The following PTPRT variants were observed in gnomAD, a reference collection of about 807,000 sequenced individuals.
PTPRT encodes receptor-type tyrosine-protein phosphatase T.
PTPRT carries 56 observed loss-of-function variants against 176.8 expected under a neutral mutation model. That is an observed-to-expected ratio of 0.32 (90% CI 0.26 to 0.40). PTPRT has a LOEUF of 0.40. Among genes scored for constraint, PTPRT ranks in the 10% least tolerant of loss-of-function variants. PTPRT has a pLI of 1.00. For missense variants in PTPRT, 1,540 were observed against 1,908.2 expected, an observed-to-expected ratio of 0.81 and a Z score of 3.60; for synonymous variants, 783 against 739.0, an observed-to-expected ratio of 1.06 and a Z score of -0.96.
chr20:42,939,641 G>T (rs6030565), intron 1 of PTPRT, among the ~76,000 whole-genome samples: 5 of 152,094 alleles, frequency 3.3e-5, no homozygotes, highest in African/African-American at 1.2e-4. Context: ...TCAAGTTCAG[G>T]TTCTCAGCTA....
intron 7 of PTPRT, among the ~76,000 whole-genome samples, chr20:42,502,231 A>G (rs577575845): frequency 4.3e-4 from 66 of 152,190 alleles, no homozygotes; most frequent in African/African-American, 1.6e-3. Flanking sequence ...AAGAGCACTT[A>G]CAAAGTATAT....
chr20:43,125,654 T>G (rs935321701), intron 1 of PTPRT, among the ~76,000 whole-genome samples: 1 of 152,254 alleles, frequency 6.6e-6, no homozygotes, highest in Non-Finnish European at 1.5e-5. Context: ...TGTGTATTAC[T>G]GTTCATTTGA....
intron 1 of PTPRT, among the ~76,000 whole-genome samples, chr20:42,903,300 C>T (rs1469182387): frequency 6.6e-6 from 1 of 152,174 alleles, no homozygotes; most frequent in Non-Finnish European, 1.5e-5. Flanking sequence ...ATATTCCCTA[C>T]AGTTGTGGAT....
chr20:42,936,574 T>C (rs982582496), intron 1 of PTPRT, among the ~76,000 whole-genome samples: 4 of 152,172 alleles, frequency 2.6e-5, no homozygotes, highest in Admixed American at 2.6e-4. Flanking sequence ...AGTCTCCTCT[T>C]GACTATGGGG....
intron 11 of PTPRT, among the ~76,000 whole-genome samples, chr20:42,344,062 A>G (rs1056606641): frequency 6.6e-6 from 1 of 152,010 alleles, no homozygotes; most frequent in African/African-American, 2.4e-5. Flanking sequence ...ACCACACCCA[A>G]CGCATTTTTG....
chr20:42,618,089 T>G (rs2145846473), intron 7 of PTPRT, among the ~76,000 whole-genome samples: 1 of 136,726 alleles, frequency 7.3e-6, no homozygotes, highest in South Asian at 2.3e-4. Context: ...TGCTAGAAAT[T>G]TCCCTCTACA....
chr20:42,663,713 T>C (rs568201133), intron 7 of PTPRT, among the ~76,000 whole-genome samples: 16 of 152,284 alleles, frequency 1.1e-4, no homozygotes, highest in African/African-American at 3.9e-4. Context: ...AGTAATTACT[T>C]ACACTCGTGG....
At chr20:42,697,196 C>T (rs902249148) in intron 6 of PTPRT, among the ~76,000 whole-genome samples, 1 of 152,104 alleles carries the variant, frequency 6.6e-6, no homozygotes, top group Non-Finnish European at 1.5e-5. Context: ...TTCAGAATCA[C>T]CATTGAAGGT....
At chr20:42,133,546 G>T (rs1271287343) in intron 18 of PTPRT, among the ~76,000 whole-genome samples, 2 of 152,166 alleles carry the variant, frequency 1.3e-5, no homozygotes, top group African/African-American at 4.8e-5. Flanking sequence ...AGGAGGGAAG[G>T]ATGAATAGGT....
intron 6 of PTPRT, among the ~76,000 whole-genome samples, chr20:42,683,134 T>C (rs2075631524): frequency 6.6e-6 from 1 of 152,176 alleles, no homozygotes; most frequent in Non-Finnish European, 1.5e-5. Flanking sequence ...TCTGTGGGAA[T>C]GCCTCCACCC....
intron 1 of PTPRT, among the ~76,000 whole-genome samples, chr20:42,901,968 G>A (rs776197347): frequency 6.6e-6 from 1 of 152,150 alleles, no homozygotes; most frequent in South Asian, 2.1e-4. Context: ...CTGTGATGGA[G>A]ACCACATGGT....
intron 13 of PTPRT, among the ~76,000 whole-genome samples, chr20:42,259,209 T>C (rs1401801277): frequency 6.6e-6 from 1 of 152,164 alleles, no homozygotes; most frequent in African/African-American, 2.4e-5. Flanking sequence ...TCTGTGTAGG[T>C]CAAATTCTAG....
intron 1 of PTPRT, among the ~76,000 whole-genome samples, chr20:42,937,624 T>A (rs1427962449): frequency 1.3e-5 from 2 of 152,192 alleles, no homozygotes; most frequent in East Asian, 3.8e-4. Context: ...TCCCCTGCCT[T>A]CCAAATCACA....
chr20:42,684,713 C>G (rs1237751430), intron 6 of PTPRT, among the ~76,000 whole-genome samples: 3 of 152,164 alleles, frequency 2.0e-5, no homozygotes, highest in African/African-American at 7.2e-5. Context: ...TAAGTACATA[C>G]TGGCAATATT....
intron 9 of PTPRT, among the ~76,000 whole-genome samples, chr20:42,444,520 G>A (rs1038305681): frequency 6.6e-6 from 1 of 152,138 alleles, no homozygotes; most frequent in Non-Finnish European, 1.5e-5. Flanking sequence ...GACTTGTGCA[G>A]AAGGAAATTT....
chr20:42,158,115 C>A (rs565927545), intron 17 of PTPRT, among the ~76,000 whole-genome samples: 13 of 152,328 alleles, frequency 8.5e-5, no homozygotes, highest in Non-Finnish European at 1.8e-4. Context: ...TCAATGAATG[C>A]AAGAGATTGG....
intron 7 of PTPRT, among the ~76,000 whole-genome samples, chr20:42,638,586 T>C (rs2145922105): frequency 6.6e-6 from 1 of 152,266 alleles, no homozygotes; most frequent in South Asian, 2.1e-4. Flanking sequence ...CTGACTATGC[T>C]GTGCTTTTTT....
At chr20:42,574,729 C>A (rs532876352) in intron 7 of PTPRT, among the ~76,000 whole-genome samples, 3 of 152,142 alleles carry the variant, frequency 2.0e-5, no homozygotes, top group South Asian at 2.1e-4. Flanking sequence ...TGTGTCCCCA[C>A]TCAAATCTCA....
intron 15 of PTPRT, among the ~76,000 whole-genome samples, chr20:42,231,123 C>T (rs570316668): frequency 1.8e-4 from 26 of 146,096 alleles, no homozygotes; most frequent in Admixed American, 1.2e-3. Context: ...TCCTTACCAG[C>T]CTGGAATAGC....
Sources: allele counts gnomAD v4.1 joint callset (sites outside exome capture counted in the v4.1 genomes callset), GRCh38; gene constraint gnomAD v4.1.1; transcripts MANE v1.5; gene names NCBI Gene and HGNC (gene_info 2026-07-23, HGNC 2026-07-21).